The following SLC8A1 variants were observed in gnomAD, a reference collection of about 807,000 sequenced individuals.
SLC8A1 encodes the protein sodium/calcium exchanger 1.
In SLC8A1, 18 loss-of-function variants were observed where a neutral mutation model predicts 68.3. The ratio of observed to expected loss-of-function variants is 0.26; its 90% CI spans 0.18 to 0.39. SLC8A1 has a LOEUF of 0.39. Among genes scored for constraint, SLC8A1 ranks in the 10% least tolerant of loss-of-function variants. The pLI, the probability that SLC8A1 is intolerant of heterozygous loss-of-function variation, is 1.00. For missense variants in SLC8A1, 985 were observed against 1,156.7 expected (o/e 0.85, Z 2.15); for synonymous variants, 475 against 415.5 (o/e 1.14, Z -1.74).
At chr2:40,502,377 A>G (rs1225273631) in intron 1 of SLC8A1, among the ~76,000 whole-genome samples, 1 of 151,922 alleles carries the variant, frequency 6.6e-6, no homozygotes, top group Non-Finnish European at 1.5e-5. Flanking sequence ...AGATTCTCAA[A>G]TTTCATTAAT....
At chr2:40,480,284 T>C (rs931899820) in intron 1 of SLC8A1, among the ~76,000 whole-genome samples, 1 of 152,144 alleles carries the variant, frequency 6.6e-6, no homozygotes, top group Non-Finnish European at 1.5e-5. Context: ...CTAAAATTCA[T>C]ATGTTGAAAT....
chr2:40,456,099 G>A (rs1282426900), upstream of SLC8A1, among the ~76,000 whole-genome samples: 6 of 152,090 alleles, frequency 3.9e-5, no homozygotes, highest in African/African-American at 9.7e-5. Flanking sequence ...GGTGGATCAC[G>A]AGGTCAGGAG....
chr2:40,241,801 C>A (rs1296366206), intron 2 of SLC8A1, among the ~76,000 whole-genome samples: 1 of 152,102 alleles, frequency 6.6e-6, no homozygotes, highest in Non-Finnish European at 1.5e-5. Flanking sequence ...GGACTATGAG[C>A]TTTTTCACCA....
At chr2:40,320,638 T>C (rs1054423225) in intron 2 of SLC8A1, among the ~76,000 whole-genome samples, 1 of 152,172 alleles carries the variant, frequency 6.6e-6, no homozygotes, top group Admixed American at 6.6e-5. Context: ...GATGCGTGTC[T>C]CACTGTTAAG....
chr2:40,210,520 G>A (rs1574100098), intron 2 of SLC8A1, among the ~76,000 whole-genome samples: 1 of 152,182 alleles, frequency 6.6e-6, no homozygotes, highest in Admixed American at 6.5e-5. Flanking sequence ...AATTAAGAAA[G>A]TGTTAGTCAC....
Position 40,252,794 on chromosome 2 carries a change from G to C in SLC8A1, c.1809-74939C>G, listed in dbSNP as rs1036638401. On this transcript the variant is annotated intron_variant, in intron 2 of 7. Coordinates refer to ENST00000406785, the Ensembl canonical transcript of SLC8A1. ...TGAATGTTAGCACATATATATATGT[G>C]TGTGTATATATGTACATATACATAT... Among the ~76,000 whole-genome samples, 34 of 141,906 alleles carry C rather than the reference G, an allele frequency of 2.4e-4. 1 individual carries two copies. Among genetic ancestry groups the C allele is most frequent in the African/African-American group, 9.2e-4 (31 of 33,650 alleles). 93.1% of individuals were successfully genotyped at this position (141,906 alleles called of 152,430 possible).
intron 2 of SLC8A1, among the ~76,000 whole-genome samples, chr2:40,200,227 TATATATATATAA>T (rs2054019804): frequency 3.6e-5 from 1 of 28,148 alleles, no homozygotes; most frequent in African/African-American, 1.0e-4. Context: ...TATTTTTTTA[TATATATATATAA>T]ATATATATAT....
At chr2:40,242,396 T>C (rs2061339823) in intron 2 of SLC8A1, among the ~76,000 whole-genome samples, 2 of 152,220 alleles carry the variant, frequency 1.3e-5, no homozygotes, top group East Asian at 1.9e-4. Flanking sequence ...TTTGTGTAAT[T>C]TGTAACCTCA....
chr2:40,202,427 A>G (rs1297864487), intron 2 of SLC8A1, among the ~76,000 whole-genome samples: 1 of 151,942 alleles, frequency 6.6e-6, no homozygotes, highest in East Asian at 1.9e-4. Context: ...CCTGACTTGT[A>G]TGGTGATTAT....
Position 40,488,452 on chromosome 2 carries a change from T to TTGTG in SLC8A1, c.-25+23893_-25+23896dup, listed in dbSNP as rs58801295. The stretch of plus-strand genomic sequence containing the variant: ...ATTCCCAAGCTACCCACTTTCTAGT[T>TTGTG]TGTGTGTGTGTGTGTGTGTGTGCAC... On this transcript the variant is annotated intron_variant, in intron 1 of 7. Transcript: ENST00000402441. Among the ~76,000 whole-genome samples the TTGTG allele has an allele frequency of 3.6e-3, 539 of 149,344 alleles. 16 individuals are homozygous for TTGTG. In the East Asian group the frequency reaches 0.075, roughly 21 times the overall value.
At chr2:40,455,391 A>G (rs1702937188), upstream of SLC8A1, among the ~76,000 whole-genome samples, 1 of 152,218 alleles carries the variant, frequency 6.6e-6, no homozygotes, top group African/African-American at 2.4e-5. Flanking sequence ...CATAAATCAG[A>G]GGTACCTCTA....
At chr2:40,215,725 G>T (rs1415750824) in intron 2 of SLC8A1, among the ~76,000 whole-genome samples, 1 of 151,318 alleles carries the variant, frequency 6.6e-6, no homozygotes, top group Admixed American at 6.6e-5. Flanking sequence ...TGAACTCCTG[G>T]CTTCAAGCAA....
At chr2:40,265,657 A>C (rs1488899901) in intron 2 of SLC8A1, among the ~76,000 whole-genome samples, 1 of 152,160 alleles carries the variant, frequency 6.6e-6, no homozygotes, top group African/African-American at 2.4e-5. Flanking sequence ...CAATTTTTAA[A>C]TGATTTATGT....
intron 1 of SLC8A1, among the ~76,000 whole-genome samples, chr2:40,431,151 T>C (rs1698194339): frequency 6.6e-6 from 1 of 152,112 alleles, no homozygotes; most frequent in Non-Finnish European, 1.5e-5. Context: ...AGCCTGTTTT[T>C]CTGCAGGCTG....
intron 2 of SLC8A1, among the ~76,000 whole-genome samples, chr2:40,278,529 G>T (rs531386491): frequency 1.8e-4 from 28 of 152,208 alleles, no homozygotes; most frequent in African/African-American, 6.0e-4. Context: ...ATCACAAAAT[G>T]ATAAGGGGAG....
At chr2:40,141,197 C>A (rs2041494282) in intron 6 of SLC8A1, among the ~76,000 whole-genome samples, 1 of 152,122 alleles carries the variant, frequency 6.6e-6, no homozygotes, top group Admixed American at 6.5e-5. Flanking sequence ...CTGAGATGGC[C>A]AGCATGGAGC....
intron 2 of SLC8A1, among the ~76,000 whole-genome samples, chr2:40,425,280 AAT>A (rs1158752597): frequency 6.6e-6 from 1 of 151,870 alleles, no homozygotes; most frequent in African/African-American, 2.4e-5. Context: ...TTTATGTGAG[AAT>A]ATGAATAAAT....
chr2:40,275,392 T>C (rs2066572186), intron 2 of SLC8A1, among the ~76,000 whole-genome samples: 1 of 152,242 alleles, frequency 6.6e-6, no homozygotes, highest in Non-Finnish European at 1.5e-5. Context: ...CAAGTGTCAC[T>C]TGAACCTTAA....
At chr2:40,209,577 C>T (rs1036726514) in intron 2 of SLC8A1, among the ~76,000 whole-genome samples, 1 of 152,102 alleles carries the variant, frequency 6.6e-6, no homozygotes, top group Non-Finnish European at 1.5e-5. Context: ...ACTCTAGCTA[C>T]TCTGTGGAGA....
Sources: allele counts gnomAD v4.1 joint callset (sites outside exome capture counted in the v4.1 genomes callset), GRCh38; gene constraint gnomAD v4.1.1; transcripts MANE v1.5; gene names NCBI Gene and HGNC (gene_info 2026-07-23, HGNC 2026-07-21).